The following RTN4 variants were observed in gnomAD, a reference collection of about 807,000 sequenced individuals.
The protein encoded by RTN4 is reticulon-4.
RTN4 carries 32 observed loss-of-function variants against 90.4 expected under a neutral mutation model. The observed-to-expected ratio is 0.35, with a 90% CI of 0.27 to 0.48. The LOEUF (loss-of-function observed/expected upper bound fraction) is 0.48, where lower values mean the gene tolerates loss of function less well. Ranked by LOEUF, RTN4 falls within the 20% of genes least tolerant of loss-of-function variation. The pLI is 0.99. For missense variants in RTN4, 1,706 were observed against 1,430.2 expected, an observed-to-expected ratio of 1.19 and a Z score of -3.11; for synonymous variants, 629 against 552.5, an observed-to-expected ratio of 1.14 and a Z score of -1.94.
the RTN4 span, among the ~76,000 whole-genome samples, chr2:55,129,553 C>G: frequency 1.5e-4 from 22 of 151,406 alleles, no homozygotes; most frequent in South Asian, 4.6e-3. Flanking sequence ...AGCACACAGA[C>G]TGGGTGAGTG....
chr2:55,003,634 G>C (rs1038811578), intron 3 of RTN4, among the ~76,000 whole-genome samples: 1 of 152,178 alleles, frequency 6.6e-6, no homozygotes, highest in African/African-American at 2.4e-5. Context: ...GGGACCAAGT[G>C]AATACAGTCA....
intron 5 of RTN4, 28 bp from the exon 6 acceptor site, chr2:54,974,792 T>A (rs201634113): frequency 3.8e-6 from 6 of 1,589,714 alleles, no homozygotes. Flanking sequence ...TAGCCCATTA[T>A]AAACAAAATT....
chr2:54,990,539 A>T (rs966302661), intron 3 of RTN4, among the ~76,000 whole-genome samples: 1 of 152,192 alleles, frequency 6.6e-6, no homozygotes, highest in Non-Finnish European at 1.5e-5. Context: ...TGTTGCTGTT[A>T]TTATTACCAC....
intron 1 of RTN4, among the ~76,000 whole-genome samples, chr2:55,103,109 GAA>G (rs34149411): frequency 2.7e-3 from 303 of 110,512 alleles, no homozygotes; most frequent in African/African-American, 9.9e-3. Context: ...CAAAACTCCG[GAA>G]AAAAAAAAAA....
intron 2 of RTN4, among the ~76,000 whole-genome samples, chr2:55,079,434 G>A (rs147435537): frequency 5.5e-4 from 83 of 152,290 alleles, no homozygotes; most frequent in African/African-American, 1.7e-3. Context: ...ACTTAGAAGA[G>A]TAAAGGGCCT....
intron 3 of RTN4, among the ~76,000 whole-genome samples, chr2:55,012,622 G>C (rs537263507): frequency 1.3e-5 from 2 of 152,208 alleles, no homozygotes; most frequent in East Asian, 3.9e-4. Context: ...AAGGCTTTAG[G>C]ACATTGCCTG....
rs150141124 is a variant in RTN4 at position 55,022,597 on chromosome 2, C to T, written c.3013+2489G>A. Among the ~76,000 whole-genome samples, 144 of 152,180 alleles carry T rather than the reference C, an allele frequency of 9.5e-4. 4 individuals carry two copies. The highest frequency in any genetic ancestry group is 8.2e-3 in the Admixed American group (125 of 15,274). ...CCTTGGGCAAAAGTCTTGGCTATTC[C>T]GCTACGTCATTCTCTGTCCTTCCTC... On this transcript the variant is annotated intron_variant, in intron 3 of 8. Coordinates refer to ENST00000337526, the MANE Select transcript of RTN4 (RefSeq NM_020532.5).
At chr2:55,047,703 C>A (rs139379973) in intron 1 of RTN4, among the ~76,000 whole-genome samples, 1 of 152,166 alleles carries the variant, frequency 6.6e-6, no homozygotes, top group African/African-American at 2.4e-5. Flanking sequence ...AAAGGTCCTA[C>A]TGCTAGTGGG....
Position 55,042,430 on chromosome 2 carries a change from TC to T in RTN4, c.556+7314del, listed in dbSNP as rs1184518096. On this transcript the variant is annotated intron_variant, in intron 1 of 8. Transcript: ENST00000337526. ...GACTGATTAAATAAAATATGGTACA[TC>T]CCCAGAGTCCTCTGCATCTATTTTT... 2.0e-5 allele frequency among the ~76,000 whole-genome samples: 3 copies of T among 152,078 alleles called. No homozygotes were observed. The East Asian group carries it at 5.8e-4, about 29-fold the overall frequency.
At position 54,986,839 on chromosome 2, in the gene RTN4, A is replaced by G. The variant is rs1678599016; in HGVS notation, c.3221+652T>C. Among the ~76,000 whole-genome samples, 6 of 152,198 alleles carry G rather than the reference A, an allele frequency of 3.9e-5. No homozygotes were observed. In the South Asian group the frequency reaches 1.2e-3, roughly 32 times the overall value. On this transcript the variant is annotated intron_variant, in intron 4 of 8. Coordinates refer to ENST00000337526, the MANE Select transcript of RTN4 (RefSeq NM_020532.5). The stretch of plus-strand genomic sequence containing the variant: ...ACTAAAAACCAATGAGTTTTATGGT[A>G]TATGAATTATATGTCAATTAAAAAA...
intron 3 of RTN4, among the ~76,000 whole-genome samples, chr2:54,992,805 C>G (rs1304555811): frequency 6.6e-6 from 1 of 151,962 alleles, no homozygotes; most frequent in Non-Finnish European, 1.5e-5. Context: ...CGTGGTGGCT[C>G]ACGCCTGTAA....
intron 1 of RTN4, among the ~76,000 whole-genome samples, chr2:55,108,597 G>A (rs936535390): frequency 2.6e-5 from 4 of 151,928 alleles, no homozygotes; most frequent in African/African-American, 7.3e-5. Flanking sequence ...GGGGAAGAGG[G>A]GTAATAAAAG....
intron 3 of RTN4, chr2:55,009,966 G>T: frequency 9.1e-7 from 1 of 1,100,896 alleles, no homozygotes; most frequent in Non-Finnish European, 1.3e-6. Context: ...TAATCCTTTA[G>T]ACTTCAACTC....
At chr2:55,127,456 G>A in the RTN4 span, among the ~76,000 whole-genome samples, 2 of 152,150 alleles carry the variant, frequency 1.3e-5, no homozygotes, top group South Asian at 2.1e-4. Context: ...GTCTTGTCCT[G>A]TTTTATGTTT....
intron 5 of RTN4, among the ~76,000 whole-genome samples, chr2:54,976,107 A>T (rs889846633): frequency 1.3e-5 from 2 of 152,210 alleles, no homozygotes; most frequent in South Asian, 2.1e-4. Context: ...CACTATCCAC[A>T]AGTCTAAAGG....
chr2:54,973,800 A>T (rs1460039267), intron 7 of RTN4, 21 bp downstream of exon 7: 1 of 1,602,176 alleles, frequency 6.2e-7, no homozygotes, highest in South Asian at 1.1e-5. Flanking sequence ...TTCTGAAGTC[A>T]GCAGTTAGTT....
chr2:55,012,977 C>T lies in RTN4; in HGVS notation c.3013+12109G>A, dbSNP rs118139502. Among the ~76,000 whole-genome samples, 80 of 152,030 alleles carry T rather than the reference C, an allele frequency of 5.3e-4. 1 individual carries two copies. In the East Asian group the frequency reaches 0.012, roughly 23 times the overall value. ...ATTTATTTTGTTTTCCTTCAACTAC[C>T]TAACTTTTAAAAAAATTAATTCTTT... On this transcript the variant is annotated intron_variant, in intron 3 of 8. Coordinates refer to ENST00000337526, the MANE Select transcript of RTN4 (RefSeq NM_020532.5).
chr2:54,973,648 T>C (rs184818504), intron 7 of RTN4, 27 bp from the exon 8 acceptor site: 20 of 1,582,392 alleles, frequency 1.3e-5, no homozygotes, highest in Non-Finnish European at 1.6e-5. Flanking sequence ...AAGGAATTAT[T>C]ACCGTTGCTA....
chr2:55,087,680 T>C (rs1247527936), intron 1 of RTN4, among the ~76,000 whole-genome samples: 1 of 152,148 alleles, frequency 6.6e-6, no homozygotes, highest in Non-Finnish European at 1.5e-5. Context: ...TGTACCCATC[T>C]GTGAGACTAT....
Sources: allele counts gnomAD v4.1 joint callset (sites outside exome capture counted in the v4.1 genomes callset), GRCh38; gene constraint gnomAD v4.1.1; transcripts MANE v1.5; gene names NCBI Gene and HGNC (gene_info 2026-07-23, HGNC 2026-07-21).